The following GALNT13 variants were observed in gnomAD, a reference collection of about 807,000 sequenced individuals.
GALNT13 encodes the protein UDP-GalNAc:polypeptide N-acetylgalactosaminyltransferase 13.
In GALNT13, 28 loss-of-function variants were observed where a neutral mutation model predicts 64.2. The ratio of observed to expected loss-of-function variants is 0.44; its 90% CI spans 0.32 to 0.60. The LOEUF (loss-of-function observed/expected upper bound fraction) is 0.60, where lower values mean the gene tolerates loss of function less well. GALNT13 is among the 20% of genes least tolerant of loss of function. The pLI, the probability that GALNT13 is intolerant of heterozygous loss-of-function variation, is 0.05. For synonymous variants in GALNT13, 214 were observed against 224.6 expected, an observed-to-expected ratio of 0.95 and a Z score of 0.42; for missense variants, 577 against 669.8, an observed-to-expected ratio of 0.86 and a Z score of 1.53.
At chr2:153,335,399 C>A in the GALNT13 span, among the ~76,000 whole-genome samples, 1 of 152,174 alleles carries the variant, frequency 6.6e-6, no homozygotes. Context: ...GCCCAAAATT[C>A]TATGGTGATA....
At chr2:154,136,673 G>A (rs1682969789) in intron 3 of GALNT13, among the ~76,000 whole-genome samples, 1 of 151,968 alleles carries the variant, frequency 6.6e-6, no homozygotes. Flanking sequence ...AAAATGAAAG[G>A]TATAAAATGA....
rs1418430276 is a variant in GALNT13, at chr2:154,453,978, C to T, written c.*3427C>T. 1.3e-5 allele frequency: 2 copies of T among 152,042 alleles called. No homozygotes were observed. Among genetic ancestry groups the T allele is most frequent in the African/African-American group, 4.8e-5 (2 of 41,394 alleles). The allele number at this position is 152,042 out of a possible 1,614,324, so 9.4% of individuals were successfully genotyped here. ...ATTTTATTAAAATGCTGCTATATTA[C>T]ATAAGTTGCTTCATTAAGCTAAAAA... On this transcript the variant is annotated 3_prime_UTR_variant, in exon 13 of 13. Coordinates refer to ENST00000392825, the MANE Select transcript of GALNT13 (RefSeq NM_052917.4).
intron 11 of GALNT13, among the ~76,000 whole-genome samples, chr2:154,431,613 T>C (rs1242203753): frequency 6.6e-6 from 1 of 152,174 alleles, no homozygotes; most frequent in Non-Finnish European, 1.5e-5. Context: ...AAACCATACA[T>C]GTACGTGAAA....
the GALNT13 span, among the ~76,000 whole-genome samples, chr2:153,493,987 A>G: frequency 6.6e-6 from 1 of 151,954 alleles, no homozygotes; most frequent in Admixed American, 6.6e-5. Flanking sequence ...TCTGCTTTTT[A>G]TAAGGTCAGA....
the GALNT13 span, among the ~76,000 whole-genome samples, chr2:153,412,927 C>G: frequency 1.3e-5 from 2 of 152,046 alleles, no homozygotes; most frequent in Non-Finnish European, 2.9e-5. Flanking sequence ...TCACATGGCC[C>G]ACACAAATTA....
the GALNT13 span, among the ~76,000 whole-genome samples, chr2:153,633,965 G>T: frequency 6.6e-6 from 1 of 151,944 alleles, no homozygotes; most frequent in African/African-American, 2.4e-5. Flanking sequence ...AGACCCTAAA[G>T]ATTTAAAAAT....
At chr2:153,354,375 G>A in the GALNT13 span, 1 of 152,132 alleles carries the variant, frequency 6.6e-6, no homozygotes, top group South Asian at 2.1e-4. Context: ...GTGGAAAAAT[G>A]TTAAACTGAT....
chr2:153,477,776 C>A, the GALNT13 span: 1 of 160,352 alleles, frequency 6.2e-6, no homozygotes, highest in Non-Finnish European at 1.4e-5. Context: ...AGTGGGAGCG[C>A]ACCCGGACAC....
the GALNT13 span, among the ~76,000 whole-genome samples, chr2:153,157,082 G>A: frequency 6.6e-6 from 1 of 152,162 alleles, no homozygotes; most frequent in Non-Finnish European, 1.5e-5. Flanking sequence ...ATATGGAGAA[G>A]AAATGTCTAG....
At chr2:153,787,012 G>C in the GALNT13 span, among the ~76,000 whole-genome samples, 2 of 152,060 alleles carry the variant, frequency 1.3e-5, no homozygotes, top group Non-Finnish European at 2.9e-5. Context: ...AATCTCCTGG[G>C]GTGGAGCTCC....
chr2:153,547,651 A>G, the GALNT13 span, among the ~76,000 whole-genome samples: 20 of 152,334 alleles, frequency 1.3e-4, no homozygotes, highest in African/African-American at 4.6e-4. Flanking sequence ...TGTTCTCATG[A>G]ATAGGTAAGA....
the GALNT13 span, among the ~76,000 whole-genome samples, chr2:153,473,652 C>T: frequency 6.6e-6 from 1 of 152,156 alleles, no homozygotes; most frequent in African/African-American, 2.4e-5. Context: ...CTTCCACAGG[C>T]TTTCAAATTA....
At chr2:153,143,469 T>C in the GALNT13 span, among the ~76,000 whole-genome samples, 1 of 151,946 alleles carries the variant, frequency 6.6e-6, no homozygotes, top group Non-Finnish European at 1.5e-5. Context: ...ATCTTTCTCT[T>C]TGAGCTATAA....
intron 3 of GALNT13, among the ~76,000 whole-genome samples, chr2:154,061,318 T>C (rs1700170993): frequency 6.6e-6 from 1 of 152,192 alleles, no homozygotes; most frequent in Non-Finnish European, 1.5e-5. Context: ...ATACCAAGTC[T>C]AGTGTGGGGA....
the GALNT13 span, among the ~76,000 whole-genome samples, chr2:153,566,510 G>A: frequency 6.6e-6 from 1 of 151,900 alleles, no homozygotes; most frequent in East Asian, 1.9e-4. Flanking sequence ...GCCTGCCACC[G>A]CGCCCGGCTA....
At chr2:154,136,011 T>C (rs1200153573) in intron 3 of GALNT13, among the ~76,000 whole-genome samples, 1 of 152,076 alleles carries the variant, frequency 6.6e-6, no homozygotes, top group Non-Finnish European at 1.5e-5. Context: ...AAACAGATAA[T>C]TGATTGACAA....
chr2:153,978,856 C>T (rs772057375), intron 3 of GALNT13, among the ~76,000 whole-genome samples: 40 of 151,968 alleles, frequency 2.6e-4, no homozygotes, highest in Admixed American at 4.6e-4. Context: ...GGATCCTTTG[C>T]GCCCAGGAGT....
At chr2:154,131,762 A>C (rs961381069) in intron 3 of GALNT13, among the ~76,000 whole-genome samples, 1 of 152,228 alleles carries the variant, frequency 6.6e-6, no homozygotes, top group Non-Finnish European at 1.5e-5. Flanking sequence ...TCACGTGATC[A>C]GAAGGTGAAG....
the GALNT13 span, among the ~76,000 whole-genome samples, chr2:153,782,846 T>C: frequency 2.0e-5 from 3 of 152,170 alleles, no homozygotes; most frequent in African/African-American, 7.2e-5. Context: ...GACTTTGTTA[T>C]AGCAACCCAC....
Sources: gnomAD v4.1 joint callset for allele counts (sites outside exome capture counted in the v4.1 genomes callset) on GRCh38, gnomAD v4.1.1 for gene constraint, MANE v1.5 for transcripts, NCBI Gene and HGNC (gene_info 2026-07-23, HGNC 2026-07-21) for gene names.